Variants in ANXA2 observed in about 807,000 individuals in gnomAD.
The protein encoded by ANXA2 is annexin II.
A neutral mutation model predicts 47.3 loss-of-function variants in ANXA2; 28 were observed. That is an observed-to-expected ratio of 0.59 (90% CI 0.44 to 0.81). The LOEUF is 0.81. Among genes scored for constraint, ANXA2 ranks in the 40% least tolerant of loss-of-function variants. ANXA2 has a pLI of 0.00. For missense variants in ANXA2, 384 were observed against 414.3 expected, an observed-to-expected ratio of 0.93 and a Z score of 0.64; for synonymous variants, 172 against 155.5, an observed-to-expected ratio of 1.11 and a Z score of -0.79.
chr15:60,374,631 A>T (rs1459630736), intron 3 of ANXA2: 1 of 456,002 alleles, frequency 2.2e-6, no homozygotes, highest in Non-Finnish European at 4.4e-6. Flanking sequence ...TTAGAAAGGC[A>T]CCAAGGACTC....
chr15:60,352,295 C>T lies in ANXA2; in HGVS notation c.682+88G>A. 1.2e-6 allele frequency: 1 copy of T among 845,118 alleles called. No homozygotes were observed. Among genetic ancestry groups the T allele is most frequent in the South Asian group, 1.6e-5 (1 of 61,996 alleles). The allele number at this position is 845,118 out of a possible 1,614,324, so 52.4% of individuals were successfully genotyped here. A position where few individuals can be genotyped will look rare whatever the true frequency, so the allele number is the denominator to read the frequency against. On this transcript the variant is annotated intron_variant, in intron 9 of 12. Coordinates refer to ENST00000451270, the MANE Select transcript of ANXA2 (RefSeq NM_004039.3). This position sits in a 1 kb window ranked among gnomAD's most constrained non-coding sequence, Gnocchi z 4.2. Reference sequence around the variant, plus strand: ...TGCCAAGCGGAGACAGAACCTCATTCTGGCAGACTCCATCCCAACATGGAC... The same window carrying T: ...TGCCAAGCGGAGACAGAACCTCATTTTGGCAGACTCCATCCCAACATGGAC...
At chr15:60,355,042 A>C (rs561017262) in intron 7 of ANXA2, among the ~76,000 whole-genome samples, 1 of 152,266 alleles carries the variant, frequency 6.6e-6, no homozygotes, top group South Asian at 2.1e-4. Flanking sequence ...GCCAGCTGGC[A>C]CACAAGGGAT....
chr15:60,350,401 C>G (rs1336329722), intron 11 of ANXA2, among the ~76,000 whole-genome samples: 1 of 152,058 alleles, frequency 6.6e-6, no homozygotes, highest in African/African-American at 2.4e-5. Context: ...AGGGAACATG[C>G]CAACACATTT....
intron 8 of ANXA2, among the ~76,000 whole-genome samples, chr15:60,353,272 A>C (rs1396162968): frequency 6.6e-6 from 1 of 152,188 alleles, no homozygotes; most frequent in Non-Finnish European, 1.5e-5. Flanking sequence ...TAGTTCTCAG[A>C]GATAATGGAA....
At chr15:60,366,532 GC>G (rs1292273923) in intron 3 of ANXA2, among the ~76,000 whole-genome samples, 1 of 151,088 alleles carries the variant, frequency 6.6e-6, no homozygotes, top group Non-Finnish European at 1.5e-5. Flanking sequence ...TCTCTGCCCG[GC>G]CGCTCCGTCT....
chr15:60,388,735 CTTTT>C (rs1162065382), intron 1 of ANXA2, among the ~76,000 whole-genome samples: 2 of 134,006 alleles, frequency 1.5e-5, no homozygotes, highest in Admixed American at 7.6e-5. Flanking sequence ...ACACCTAGAC[CTTTT>C]TTTTTTTTTT....
At chr15:60,390,165 A>G in intron 1 of ANXA2, 1 of 659,022 alleles carries the variant, frequency 1.5e-6, no homozygotes. Flanking sequence ...TTTTGCAGAA[A>G]AAAAAAACAA....
intron 8 of ANXA2, 99 bp downstream of exon 8, chr15:60,354,055 A>G: frequency 1.1e-6 from 1 of 889,892 alleles, no homozygotes; most frequent in Non-Finnish European, 1.7e-6. Context: ...TAAGCCACAG[A>G]GTTTGGGAGT....
rs376822302 is a variant in ANXA2, at chr15:60,351,811, T to C, written c.691A>G (p.Arg231Gly). 5 of 1,609,506 alleles carry C rather than the reference T, an allele frequency of 3.1e-6. No individual in the cohort carries two copies. The African/African-American group carries it at 4.0e-5, about 13-fold the overall frequency. ...TCATAAGGGCTGTAACTCTTGTACC[T>C]ATCAAATACTGAGGAAAAACAACAA... ...SVPHLQKVFD[R>G]YKSYSPYDML... is the part of the protein sequence containing the mutation. Residue 231 changes from arginine (R) to glycine (G), a missense_variant, in exon 10 of 13, where the codon AGG becomes GGG. Coordinates refer to ENST00000451270, the MANE Select transcript of ANXA2 (RefSeq NM_004039.3).
chr15:60,392,942 T>TTAAA, intron 1 of ANXA2: 1 of 926,676 alleles, frequency 1.1e-6, no homozygotes, highest in Non-Finnish European at 1.4e-6. Context: ...AATTTTAAAC[T>TTAAA]AAAAAAAAAA....
At chr15:60,361,382 A>C in intron 4 of ANXA2, 1 of 256,922 alleles carries the variant, frequency 3.9e-6, no homozygotes. Flanking sequence ...AAGCAGTAAC[A>C]CTCCGTGGAA....
chr15:60,358,237 TAAG>T (rs2062462147), intron 5 of ANXA2, among the ~76,000 whole-genome samples: 1 of 152,214 alleles, frequency 6.6e-6, no homozygotes, highest in Non-Finnish European at 1.5e-5. Flanking sequence ...TATTAAGGAA[TAAG>T]AATTTGATGG....
intron 1 of ANXA2, chr15:60,393,205 G>C (rs555126040): frequency 3.5e-6 from 4 of 1,151,620 alleles, no homozygotes; most frequent in Middle Eastern, 3.1e-4. Context: ...TCTGTGGCCT[G>C]ATCTGAATCA....
At chr15:60,359,908 A>G in intron 5 of ANXA2, among the ~76,000 whole-genome samples, 1 of 152,242 alleles carries the variant, frequency 6.6e-6, no homozygotes, top group East Asian at 1.9e-4. Flanking sequence ...AAAAGGGTCC[A>G]AATGTGTTGC....
chr15:60,351,186 C>G lies in ANXA2; in HGVS notation c.837+7G>C. The stretch of plus-strand genomic sequence containing the variant: ...GAAACACAGCTCTCTCAGCCAGCTG[C>G]CCTTACCTTCATGGAGTCATACAGC... On this transcript the variant is annotated splice_region_variant and intron_variant, in intron 11 of 12. Transcript: ENST00000451270. The G allele has an allele frequency of 6.2e-7, 1 of 1,614,020 alleles. No individual in the cohort carries two copies. The highest frequency in any genetic ancestry group is 1.1e-5 in the South Asian group (1 of 91,080).
At chr15:60,390,986 C>A (rs1374872927) in intron 1 of ANXA2, 1 of 152,624 alleles carries the variant, frequency 6.6e-6, no homozygotes, top group Non-Finnish European at 1.5e-5. Flanking sequence ...GTTACAAACA[C>A]TGGTAATACG....
intron 3 of ANXA2, among the ~76,000 whole-genome samples, chr15:60,372,796 T>A (rs1465672471): frequency 6.6e-6 from 1 of 150,584 alleles, no homozygotes; most frequent in South Asian, 2.1e-4. Flanking sequence ...TGGGCCCAAA[T>A]GATCCTCCTG....
chr15:60,356,082 T>A (rs1396239381), intron 6 of ANXA2, 84 bp from the exon 7 acceptor site: 3 of 1,042,136 alleles, frequency 2.9e-6, no homozygotes, highest in Non-Finnish European at 4.5e-6. Context: ...CCACTAAGAC[T>A]CTGAGAAGCA....
intron 3 of ANXA2, among the ~76,000 whole-genome samples, chr15:60,379,006 C>T (rs1458616165): frequency 2.0e-5 from 3 of 150,622 alleles, no homozygotes; most frequent in Admixed American, 1.3e-4. Context: ...ATAGGCCAGG[C>T]GCGGTGGCTC....
Sources: allele counts gnomAD v4.1 joint callset (sites outside exome capture counted in the v4.1 genomes callset), GRCh38; gene constraint gnomAD v4.1.1; non-coding constraint Gnocchi (gnomAD v3.1); transcripts MANE v1.5; gene names NCBI Gene and HGNC (gene_info 2026-07-23, HGNC 2026-07-21).